The following NBAS variants were observed in gnomAD, a reference collection of about 807,000 sequenced individuals.
NBAS encodes NBAS subunit of NRZ tethering complex, also known as NAG/BC035112 fusion.
In NBAS, 219 loss-of-function variants were observed where a neutral mutation model predicts 302.5. The ratio of observed to expected loss-of-function variants is 0.72; its 90% CI spans 0.65 to 0.81. NBAS has a LOEUF of 0.81. Ranked by LOEUF, NBAS falls within the 30% of genes least tolerant of loss-of-function variation. The pLI, the probability that NBAS is intolerant of heterozygous loss-of-function variation, is 0.00. For missense variants in NBAS, 2,932 were observed against 2,841.6 expected, an observed-to-expected ratio of 1.03 and a Z score of -0.72; for synonymous variants, 1,118 against 1,021.6, an observed-to-expected ratio of 1.09 and a Z score of -1.80.
the NBAS span, among the ~76,000 whole-genome samples, chr2:15,134,056 TTC>T: frequency 5.1e-3 from 741 of 145,740 alleles, 11 homozygotes; most frequent in East Asian, 0.013. Context: ...GAACATTTCT[TTC>T]TCTCTCTCTC....
At chr2:15,540,785 C>T (rs1163768871) in intron 6 of NBAS, among the ~76,000 whole-genome samples, 2 of 151,774 alleles carry the variant, frequency 1.3e-5, no homozygotes, top group Admixed American at 6.6e-5. Context: ...TACAGTGGCG[C>T]GATCTGGGCT....
the NBAS span, among the ~76,000 whole-genome samples, chr2:14,904,198 A>T: frequency 5.3e-5 from 8 of 152,234 alleles, no homozygotes; most frequent in Non-Finnish European, 8.8e-5. Flanking sequence ...AAGGGAGTTT[A>T]TTAGGGAGAA....
rs1674945128 is a variant in NBAS at position 15,379,826 on chromosome 2, A to G, written c.3366T>C (p.Phe1122=). 6.2e-7 allele frequency: 1 copy of G among 1,613,090 alleles called. No homozygotes were observed. The highest frequency in any genetic ancestry group is 1.3e-5 in the African/African-American group (1 of 74,918). Residue 1122 remains phenylalanine (F), a synonymous_variant, in exon 30 of 52, where the codon TTT becomes TTC. Transcript: ENST00000281513. Reference sequence around the variant, plus strand: ...GACTAGAGCACAGAAGGCTTTCTGTAAATATCTGGAAAAAAGGAGAAACTG... The same window carrying G: ...GACTAGAGCACAGAAGGCTTTCTGTGAATATCTGGAAAAAAGGAGAAACTG... ...CLDSDACYEI[F]TESLLCSSRL...
chr2:14,796,439 C>A, the NBAS span, among the ~76,000 whole-genome samples: 2 of 152,156 alleles, frequency 1.3e-5, no homozygotes, highest in Non-Finnish European at 2.9e-5. Context: ...ACATTTACAT[C>A]TTAACAATAT....
At chr2:15,132,297 A>G in the NBAS span, among the ~76,000 whole-genome samples, 1 of 152,252 alleles carries the variant, frequency 6.6e-6, no homozygotes. Context: ...ATTTATGTAC[A>G]TACTTCTAAG....
chr2:15,258,591 C>G (rs958852416), intron 44 of NBAS, among the ~76,000 whole-genome samples: 1 of 152,102 alleles, frequency 6.6e-6, no homozygotes, highest in Non-Finnish European at 1.5e-5. Flanking sequence ...GACTGAAATA[C>G]GCCCTGGTCT....
downstream of NBAS, among the ~76,000 whole-genome samples, chr2:15,164,059 A>C (rs1663957486): frequency 6.6e-6 from 1 of 152,232 alleles, no homozygotes; most frequent in Non-Finnish European, 1.5e-5. Flanking sequence ...GGCCTCCCAA[A>C]GTATTGGGAT....
intron 9 of NBAS, among the ~76,000 whole-genome samples, chr2:15,514,584 C>A (rs548237767): frequency 6.6e-6 from 1 of 151,828 alleles, no homozygotes; most frequent in African/African-American, 2.4e-5. Flanking sequence ...TTCCCAAAGT[C>A]CATTATAAAA....
intron 25 of NBAS, among the ~76,000 whole-genome samples, chr2:15,404,806 C>G (rs538134956): frequency 5.9e-5 from 9 of 152,246 alleles, no homozygotes; most frequent in African/African-American, 2.2e-4. Context: ...AGCCACTGCG[C>G]CCGGCCCTAA....
intron 16 of NBAS, among the ~76,000 whole-genome samples, chr2:15,471,206 T>C (rs1238070175): frequency 6.6e-6 from 1 of 152,236 alleles, no homozygotes; most frequent in Non-Finnish European, 1.5e-5. Flanking sequence ...CATGAGCTCA[T>C]TGTCTTAGAT....
At chr2:15,160,884 A>T in the NBAS span, among the ~76,000 whole-genome samples, 1 of 152,204 alleles carries the variant, frequency 6.6e-6, no homozygotes, top group South Asian at 2.1e-4. Context: ...TAAAAGTTCT[A>T]TTTCAGTAAG....
intron 21 of NBAS, among the ~76,000 whole-genome samples, chr2:15,439,653 C>A (rs959856375): frequency 6.6e-6 from 1 of 152,002 alleles, no homozygotes; most frequent in Admixed American, 6.6e-5. Flanking sequence ...AGACAGTGGG[C>A]GCAGGTCAGT....
At chr2:14,835,606 G>A in the NBAS span, among the ~76,000 whole-genome samples, 1 of 151,864 alleles carries the variant, frequency 6.6e-6, no homozygotes, top group Non-Finnish European at 1.5e-5. Context: ...ATGATACGGG[G>A]CACATTCTTT....
chr2:15,284,670 T>A (rs941464346), intron 42 of NBAS, among the ~76,000 whole-genome samples: 4 of 152,246 alleles, frequency 2.6e-5, no homozygotes, highest in Admixed American at 2.6e-4. Context: ...CCAGTGGCAC[T>A]CACTCAATAA....
chr2:14,855,043 G>T, the NBAS span, among the ~76,000 whole-genome samples: 87 of 152,156 alleles, frequency 5.7e-4, no homozygotes, highest in Non-Finnish European at 1.0e-3. Context: ...AAAGAGGGAA[G>T]AGTGGTGAGA....
chr2:14,888,446 C>CA, the NBAS span, among the ~76,000 whole-genome samples: 2 of 149,036 alleles, frequency 1.3e-5, no homozygotes, highest in African/African-American at 5.0e-5. Flanking sequence ...CCACGGCACC[C>CA]GGCCCCCCCT....
chr2:15,328,342 A>T (rs376094982), intron 36 of NBAS, 30 bp from the exon 37 acceptor site: 9 of 1,564,138 alleles, frequency 5.8e-6, no homozygotes, highest in Non-Finnish European at 7.9e-6. Flanking sequence ...AGAACAATGG[A>T]TAAAAAGAAA....
At chr2:15,305,666 C>G (rs547890986) in intron 40 of NBAS, among the ~76,000 whole-genome samples, 47 of 151,992 alleles carry the variant, frequency 3.1e-4, no homozygotes, top group African/African-American at 1.1e-3. Flanking sequence ...TGGCTGGTCT[C>G]GAACTCCTGA....
At chr2:15,483,796 T>G (rs1185132385) in intron 12 of NBAS, among the ~76,000 whole-genome samples, 1 of 152,026 alleles carries the variant, frequency 6.6e-6, no homozygotes, top group Non-Finnish European at 1.5e-5. Context: ...CCCAAATGAG[T>G]TGAATTCACA....
Sources: allele counts gnomAD v4.1 joint callset (sites outside exome capture counted in the v4.1 genomes callset), GRCh38; gene constraint gnomAD v4.1.1; transcripts MANE v1.5; gene names NCBI Gene and HGNC (gene_info 2026-07-23, HGNC 2026-07-21).